PDZD2: variants seen among roughly 807,000 people sequenced by gnomAD.
PDZD2 encodes PDZ domain-containing protein 2.
A neutral mutation model predicts 220.7 loss-of-function variants in PDZD2; 90 were observed. That is an observed-to-expected ratio of 0.41 (90% CI 0.34 to 0.49). The LOEUF is 0.49. PDZD2 is among the 20% of genes least tolerant of loss of function. The pLI, the probability that PDZD2 is intolerant of heterozygous loss-of-function variation, is 0.28. For synonymous variants in PDZD2, 1,375 were observed against 1,450.5 expected, an observed-to-expected ratio of 0.95 and a Z score of 1.18; for missense variants, 3,174 against 3,608.5, an observed-to-expected ratio of 0.88 and a Z score of 3.08.
chr5:31,814,004 T>C (rs371403351), intron 2 of PDZD2, among the ~76,000 whole-genome samples: 2 of 152,200 alleles, frequency 1.3e-5, no homozygotes, highest in Non-Finnish European at 2.9e-5. Flanking sequence ...CCCATCTCTA[T>C]TTTTGTAAAA....
intron 1 of PDZD2, among the ~76,000 whole-genome samples, chr5:31,675,061 C>G (rs1746354784): frequency 6.6e-6 from 1 of 152,184 alleles, no homozygotes; most frequent in African/African-American, 2.4e-5. Flanking sequence ...AGGATGAGAA[C>G]AGAGCTTAGA....
chr5:32,101,389 G>A (rs1744244818), intron 24 of PDZD2, 150 bp downstream of exon 24: 1 of 738,750 alleles, frequency 1.4e-6, no homozygotes, highest in East Asian at 2.8e-5. Flanking sequence ...GTATGGACAT[G>A]TATTAACTCA....
chr5:31,912,302 G>C (rs1294313809), intron 2 of PDZD2, among the ~76,000 whole-genome samples: 2 of 151,358 alleles, frequency 1.3e-5, no homozygotes, highest in Non-Finnish European at 2.9e-5. Flanking sequence ...CAGTTCTCTA[G>C]GGTATCTTTC....
intron 1 of PDZD2, among the ~76,000 whole-genome samples, chr5:31,701,870 T>C (rs185500256): frequency 6.6e-6 from 1 of 152,356 alleles, no homozygotes; most frequent in East Asian, 1.9e-4. Flanking sequence ...AATAGAGCTT[T>C]CTGTTTCCTT....
chr5:32,083,244 C>A lies in PDZD2; in HGVS notation c.3683-3887C>A, dbSNP rs1377404257. On this transcript the variant is annotated intron_variant, in intron 19 of 24. Transcript: ENST00000438447. This position sits in a 1 kb window ranked among gnomAD's most constrained non-coding sequence, Gnocchi z 4.1. Reference sequence around the variant, plus strand: ...GTGGTAGTCACCAGTACCTAACAACCTTTTTAAACCTCATACATCCACACG... The same window carrying A: ...GTGGTAGTCACCAGTACCTAACAACATTTTTAAACCTCATACATCCACACG... Among the ~76,000 whole-genome samples, 1 of 151,542 alleles carries A rather than the reference C, an allele frequency of 6.6e-6. No homozygotes were observed. The highest frequency in any genetic ancestry group is 1.5e-5 in the Non-Finnish European group (1 of 67,956).
In PDZD2 at chr5:31,646,374, G is replaced by GA. The variant is rs1233891004; in HGVS notation, c.-361+6939dup. Among the ~76,000 whole-genome samples, 3 of 151,714 alleles carry GA rather than the reference G, an allele frequency of 2.0e-5. No homozygotes were observed. Among genetic ancestry groups the GA allele is most frequent in the Non-Finnish European group, 4.4e-5 (3 of 67,972 alleles). On this transcript the variant is annotated intron_variant, in intron 1 of 24. Transcript: ENST00000438447. This position sits in a 1 kb window ranked among gnomAD's most constrained non-coding sequence, Gnocchi z 4.7. ...ACTGAGCCACCACAAATGTCTTCAGGAACCTGACCCCTCCACGTCATGAAC... is the reference window on the plus strand; with the variant it reads ...ACTGAGCCACCACAAATGTCTTCAGGAAACCTGACCCCTCCACGTCATGAAC...
At chr5:31,857,817 G>A (rs1758585944) in intron 2 of PDZD2, among the ~76,000 whole-genome samples, 1 of 151,726 alleles carries the variant, frequency 6.6e-6, no homozygotes, top group South Asian at 2.1e-4. Context: ...TTTCGTGTGT[G>A]TGTATTTTTA....
intron 1 of PDZD2, among the ~76,000 whole-genome samples, chr5:31,750,276 T>G (rs1193518973): frequency 6.6e-6 from 1 of 152,170 alleles, no homozygotes; most frequent in Non-Finnish European, 1.5e-5. Flanking sequence ...TTGGAGCCCA[T>G]TGTGTCCCCC....
At chr5:31,868,400 G>A (rs371548940) in intron 2 of PDZD2, among the ~76,000 whole-genome samples, 52 of 152,242 alleles carry the variant, frequency 3.4e-4, no homozygotes, top group African/African-American at 1.2e-3. Context: ...AGCCAAGATC[G>A]CGCCACCTGC....
intron 2 of PDZD2, among the ~76,000 whole-genome samples, chr5:31,875,359 C>G (rs1432219849): frequency 6.6e-6 from 1 of 151,856 alleles, no homozygotes; most frequent in Non-Finnish European, 1.5e-5. Context: ...CGAGGCAGAC[C>G]GATCACTTGA....
intron 1 of PDZD2, among the ~76,000 whole-genome samples, chr5:31,660,274 G>A (rs1013924057): frequency 2.6e-5 from 4 of 152,018 alleles, no homozygotes; most frequent in African/African-American, 9.6e-5. Context: ...ATATCTATTG[G>A]CATGTTATTC....
At chr5:31,817,763 A>G (rs1432563224) in intron 2 of PDZD2, among the ~76,000 whole-genome samples, 1 of 151,962 alleles carries the variant, frequency 6.6e-6, no homozygotes, top group Non-Finnish European at 1.5e-5. Context: ...TCCCGGGTTC[A>G]AGCAACTATC....
chr5:31,811,137 AC>A (rs1755087078), intron 2 of PDZD2, among the ~76,000 whole-genome samples: 1 of 152,194 alleles, frequency 6.6e-6, no homozygotes, highest in African/African-American at 2.4e-5. Context: ...ACAGGTGCAC[AC>A]CATGCCCGGC....
intron 2 of PDZD2, among the ~76,000 whole-genome samples, chr5:31,914,897 G>A (rs1470598405): frequency 6.6e-6 from 1 of 152,170 alleles, no homozygotes; most frequent in East Asian, 1.9e-4. Flanking sequence ...CAGGAGTGGA[G>A]GTAGCATGAA....
intron 2 of PDZD2, among the ~76,000 whole-genome samples, chr5:31,977,768 T>A (rs541228283): frequency 2.0e-5 from 3 of 151,980 alleles, no homozygotes; most frequent in African/African-American, 7.2e-5. Context: ...AGGCCAGGAG[T>A]TCGAGACCAG....
At chr5:32,080,347 CAAAAAAAAAAAAA>C (rs35491724) in intron 19 of PDZD2, among the ~76,000 whole-genome samples, 4 of 54,278 alleles carry the variant, frequency 7.4e-5, no homozygotes, top group East Asian at 1.3e-3. Flanking sequence ...GACTCCATCT[CAAAAAAAAAAAAA>C]AAAAAAAAAA....
At chr5:31,884,259 A>ACATACATACATACATCCATCCATCCATC (rs923352259) in intron 2 of PDZD2, among the ~76,000 whole-genome samples, 8 of 151,678 alleles carry the variant, frequency 5.3e-5, no homozygotes, top group African/African-American at 1.9e-4. Flanking sequence ...ATACATACAT[A>ACATACATACATACATCCATCCATCCATC]CATCCTGGGT....
At chr5:31,860,429 A>C (rs1038943138) in intron 2 of PDZD2, among the ~76,000 whole-genome samples, 1 of 152,168 alleles carries the variant, frequency 6.6e-6, no homozygotes, top group African/African-American at 2.4e-5. Context: ...TCTACATTCC[A>C]GCTTCCAAAA....
intron 1 of PDZD2, among the ~76,000 whole-genome samples, chr5:31,668,924 C>T (rs1284545022): frequency 6.6e-6 from 1 of 152,036 alleles, no homozygotes; most frequent in Non-Finnish European, 1.5e-5. Context: ...ACCTCCACTC[C>T]CAAGTGGGGC....
Sources: allele counts gnomAD v4.1 joint callset (sites outside exome capture counted in the v4.1 genomes callset), GRCh38; gene constraint gnomAD v4.1.1; non-coding constraint Gnocchi (gnomAD v3.1); transcripts MANE v1.5; gene names NCBI Gene and HGNC (gene_info 2026-07-23, HGNC 2026-07-21).